Variants in CHRM3 observed in about 807,000 individuals in gnomAD.
The protein encoded by CHRM3 is muscarinic acetylcholine receptor M3.
In CHRM3, 11 loss-of-function variants were observed where a neutral mutation model predicts 41.8. The ratio of observed to expected loss-of-function variants is 0.26; its 90% CI spans 0.17 to 0.44. The LOEUF (loss-of-function observed/expected upper bound fraction) is 0.44, where lower values mean the gene tolerates loss of function less well. Among genes scored for constraint, CHRM3 ranks in the 20% least tolerant of loss-of-function variants. CHRM3 has a pLI of 1.00. For synonymous variants in CHRM3, 297 were observed against 301.4 expected, an observed-to-expected ratio of 0.99 and a Z score of 0.15; for missense variants, 571 against 745.4, an observed-to-expected ratio of 0.77 and a Z score of 2.72.
chr1:239,884,502 A>G (rs1050150070), intron 6 of CHRM3, among the ~76,000 whole-genome samples: 3 of 152,216 alleles, frequency 2.0e-5, no homozygotes, highest in Non-Finnish European at 2.9e-5. Flanking sequence ...TAAACCATTC[A>G]GATTGTGGTC....
At position 239,438,339 on chromosome 1, in the gene CHRM3, A is replaced by G. The variant is rs368515212; in HGVS notation, c.-521+51112A>G. Among the ~76,000 whole-genome samples, 4 of 152,280 alleles carry G rather than the reference A, an allele frequency of 2.6e-5. No homozygotes were observed. The South Asian group carries it at 6.2e-4, about 24-fold the overall frequency. On this transcript the variant is annotated intron_variant, in intron 1 of 6. Transcript: ENST00000676153. ...ACACACACTCAAGTAAAGCTAGCCC[A>G]GTGTTTGATTTGAAGCCCACATCCA...
At chr1:239,812,963 G>A (rs1330797467) in intron 5 of CHRM3, among the ~76,000 whole-genome samples, 3 of 152,164 alleles carry the variant, frequency 2.0e-5, no homozygotes, top group African/African-American at 7.2e-5. Flanking sequence ...CAGAAAGCTG[G>A]TTCCATGAAA....
At chr1:239,737,927 C>A (rs1558499531) in intron 5 of CHRM3, among the ~76,000 whole-genome samples, 1 of 152,138 alleles carries the variant, frequency 6.6e-6, no homozygotes, top group Non-Finnish European at 1.5e-5. Flanking sequence ...CCAGAAACCA[C>A]TGGCAGAAAA....
At chr1:239,516,127 T>C (rs1796832) in intron 2 of CHRM3, among the ~76,000 whole-genome samples, 76,515 of 151,568 alleles carry the variant, frequency 0.5, 19,564 homozygotes, top group Middle Eastern at 0.65. Context: ...CAACCATTTG[T>C]AGGCTAGTCC....
intron 5 of CHRM3, among the ~76,000 whole-genome samples, chr1:239,695,639 A>C (rs1429393828): frequency 1.3e-5 from 2 of 152,026 alleles, no homozygotes; most frequent in Non-Finnish European, 2.9e-5. Context: ...GTTATGCTAT[A>C]AGGATTTTTA....
At chr1:239,530,328 C>G (rs955708404) in intron 2 of CHRM3, among the ~76,000 whole-genome samples, 1 of 152,072 alleles carries the variant, frequency 6.6e-6, no homozygotes, top group Non-Finnish European at 1.5e-5. Flanking sequence ...TCCCAACAAA[C>G]GAACTGAAAC....
chr1:239,772,328 T>A (rs1667751718), intron 5 of CHRM3, among the ~76,000 whole-genome samples: 1 of 152,204 alleles, frequency 6.6e-6, no homozygotes, highest in African/African-American at 2.4e-5. Flanking sequence ...TTTTTTGTAT[T>A]TTCGTAGAGA....
At chr1:239,875,804 G>A (rs1677063804) in intron 6 of CHRM3, among the ~76,000 whole-genome samples, 1 of 152,172 alleles carries the variant, frequency 6.6e-6, no homozygotes, top group Admixed American at 6.5e-5. Flanking sequence ...TCTGCATAAT[G>A]TTTCCTGTGG....
At chr1:239,759,927 T>TA (rs1488636634) in intron 5 of CHRM3, among the ~76,000 whole-genome samples, 1 of 152,142 alleles carries the variant, frequency 6.6e-6, no homozygotes, top group Non-Finnish European at 1.5e-5. Flanking sequence ...TTTATTTATT[T>TA]TTTTTGAGAT....
chr1:239,775,506 G>A (rs1668019580), intron 5 of CHRM3, among the ~76,000 whole-genome samples: 1 of 152,170 alleles, frequency 6.6e-6, no homozygotes, highest in Non-Finnish European at 1.5e-5. Flanking sequence ...TAAACGGAAA[G>A]TACAATTCAG....
intron 6 of CHRM3, among the ~76,000 whole-genome samples, chr1:239,838,144 C>G (rs921324581): frequency 6.6e-6 from 1 of 151,942 alleles, no homozygotes; most frequent in Non-Finnish European, 1.5e-5. Context: ...ATAAATAGTG[C>G]CAGAAGAAAT....
intron 3 of CHRM3, among the ~76,000 whole-genome samples, chr1:239,599,205 C>T (rs1665190245): frequency 6.6e-6 from 1 of 152,172 alleles, no homozygotes; most frequent in Non-Finnish European, 1.5e-5. Context: ...CCCAATAAAA[C>T]AATGACTGTT....
chr1:239,574,409 C>T (rs889111525), intron 3 of CHRM3, among the ~76,000 whole-genome samples: 1 of 151,926 alleles, frequency 6.6e-6, no homozygotes, highest in African/African-American at 2.4e-5. Flanking sequence ...CAGATTCCAC[C>T]CTGGGGCCCT....
In CHRM3 at chr1:239,437,198, C is replaced by T. The variant is rs113816815; in HGVS notation, c.-521+49971C>T. Among the ~76,000 whole-genome samples, 842 of 152,316 alleles carry T rather than the reference C, an allele frequency of 5.5e-3. 11 individuals are homozygous for T. The highest frequency in any genetic ancestry group is 0.019 in the African/African-American group (797 of 41,578). ...GGATGATCACAGCTCACTGCATCCT[C>T]CACCTGCTGGGCTCGAGCAGTCCTC... is the stretch of plus-strand genomic sequence containing the variant. On this transcript the variant is annotated intron_variant, in intron 1 of 6. Coordinates refer to ENST00000676153, the MANE Select transcript of CHRM3 (RefSeq NM_001375978.1).
intron 1 of CHRM3, among the ~76,000 whole-genome samples, chr1:239,468,165 C>T (rs1184672982): frequency 6.6e-6 from 1 of 152,090 alleles, no homozygotes; most frequent in Non-Finnish European, 1.5e-5. Flanking sequence ...TCAAAACATC[C>T]ATTTTGGGTC....
chr1:239,674,984 C>T (rs1657844616), intron 4 of CHRM3, among the ~76,000 whole-genome samples: 1 of 152,120 alleles, frequency 6.6e-6, no homozygotes, highest in Non-Finnish European at 1.5e-5. Context: ...TTCCCTCCCA[C>T]TCCTGACTTC....
intron 1 of CHRM3, among the ~76,000 whole-genome samples, chr1:239,462,793 G>A (rs1438905266): frequency 6.6e-6 from 1 of 152,162 alleles, no homozygotes; most frequent in African/African-American, 2.4e-5. Flanking sequence ...TTTCCTTGAT[G>A]CTTCACATTA....
intron 3 of CHRM3, among the ~76,000 whole-genome samples, chr1:239,552,628 T>TATTATTATC (rs1659980017): frequency 2.1e-4 from 1 of 4,716 alleles, no homozygotes; most frequent in Non-Finnish European, 1.3e-3. Context: ...ACCTGACTAA[T>TATTATTATC]ATTATTATTA....
chr1:239,744,296 A>G (rs987015762), intron 5 of CHRM3, among the ~76,000 whole-genome samples: 1 of 152,200 alleles, frequency 6.6e-6, no homozygotes, highest in Admixed American at 6.5e-5. Context: ...TGGATACAAA[A>G]AGAAGTAAAA....
Sources: gnomAD v4.1 joint callset for allele counts (sites outside exome capture counted in the v4.1 genomes callset) on GRCh38, gnomAD v4.1.1 for gene constraint, MANE v1.5 for transcripts, NCBI Gene and HGNC (gene_info 2026-07-23, HGNC 2026-07-21) for gene names.